CTNND2: variants seen among roughly 807,000 people sequenced by gnomAD.
CTNND2 encodes catenin delta 2, also known as catenin delta-2.
In CTNND2, 22 loss-of-function variants were observed where a neutral mutation model predicts 144.4. The ratio of observed to expected loss-of-function variants is 0.15; its 90% CI spans 0.11 to 0.22. The LOEUF is 0.22. CTNND2 is among the 10% of genes least tolerant of loss of function. The pLI, the probability that CTNND2 is intolerant of heterozygous loss-of-function variation, is 1.00. For synonymous variants in CTNND2, 751 were observed against 695.6 expected (o/e 1.08, Z -1.25); for missense variants, 1,353 against 1,618.8 (o/e 0.84, Z 2.82).
chr5:11,063,019 T>C (rs145096712), intron 16 of CTNND2, among the ~76,000 whole-genome samples: 22 of 152,214 alleles, frequency 1.4e-4, no homozygotes, highest in African/African-American at 4.1e-4. Context: ...TTCAACAAGA[T>C]TGAAGGAAGA....
intron 9 of CTNND2, among the ~76,000 whole-genome samples, chr5:11,335,571 C>T (rs183606270): frequency 2.6e-5 from 4 of 152,262 alleles, no homozygotes; most frequent in African/African-American, 4.8e-5. Flanking sequence ...AAATAAAACA[C>T]GTTTCCCATA....
At chr5:11,707,258 G>C (rs1785761730) in intron 2 of CTNND2, among the ~76,000 whole-genome samples, 1 of 152,140 alleles carries the variant, frequency 6.6e-6, no homozygotes, top group Admixed American at 6.5e-5. Context: ...AAATAAGAAA[G>C]TGAGAACTAG....
At chr5:11,363,554 C>G (rs1756668481) in intron 8 of CTNND2, among the ~76,000 whole-genome samples, 1 of 152,130 alleles carries the variant, frequency 6.6e-6, no homozygotes, top group Non-Finnish European at 1.5e-5. Flanking sequence ...TCTTTATCAT[C>G]AAAACCAAGA....
chr5:11,563,620 T>C (rs760233529), intron 3 of CTNND2, among the ~76,000 whole-genome samples: 8 of 152,182 alleles, frequency 5.3e-5, no homozygotes, highest in Non-Finnish European at 1.0e-4. Context: ...CAGCAACATA[T>C]ACATTTGGAT....
intron 9 of CTNND2, among the ~76,000 whole-genome samples, chr5:11,312,015 C>T (rs552851241): frequency 3.3e-5 from 5 of 149,644 alleles, no homozygotes; most frequent in Non-Finnish European, 7.4e-5. Context: ...ACACACTCAC[C>T]ATACACCTTC....
intron 16 of CTNND2, among the ~76,000 whole-genome samples, chr5:11,036,240 T>A (rs746016602): frequency 6.6e-6 from 1 of 152,176 alleles, no homozygotes; most frequent in Non-Finnish European, 1.5e-5. Flanking sequence ...GATCCTTGCT[T>A]ATGAAAATGC....
intron 18 of CTNND2, among the ~76,000 whole-genome samples, chr5:11,005,443 G>A (rs1039148716): frequency 2.0e-5 from 3 of 152,136 alleles, no homozygotes; most frequent in Non-Finnish European, 4.4e-5. Flanking sequence ...AGATGGTAAC[G>A]TTGATTCCAG....
chr5:11,490,920 T>C (rs371745809), intron 3 of CTNND2, among the ~76,000 whole-genome samples: 4 of 152,238 alleles, frequency 2.6e-5, no homozygotes, highest in African/African-American at 9.6e-5. Context: ...CTCAGGAGGT[T>C]GAGGCTACAG....
intron 9 of CTNND2, among the ~76,000 whole-genome samples, chr5:11,343,187 A>G (rs1054979308): frequency 2.6e-5 from 4 of 152,176 alleles, no homozygotes; most frequent in South Asian, 2.1e-4. Flanking sequence ...CTCAGAACCA[A>G]TCCTTTTGTA....
intron 2 of CTNND2, among the ~76,000 whole-genome samples, chr5:11,586,664 T>C (rs1778884465): frequency 6.6e-6 from 1 of 152,216 alleles, no homozygotes; most frequent in South Asian, 2.1e-4. Context: ...AATACATATA[T>C]ATTTAACAAT....
chr5:11,861,323 A>C (rs976641814), intron 1 of CTNND2, among the ~76,000 whole-genome samples: 2 of 152,150 alleles, frequency 1.3e-5, no homozygotes, highest in African/African-American at 2.4e-5. Flanking sequence ...AGAACCGCAA[A>C]ATAAAAACAT....
At chr5:11,264,404 C>A (rs1335884346) in intron 9 of CTNND2, among the ~76,000 whole-genome samples, 1 of 152,112 alleles carries the variant, frequency 6.6e-6, no homozygotes, top group Non-Finnish European at 1.5e-5. Context: ...AAATTTGGCC[C>A]ATGGGATACA....
intron 11 of CTNND2, among the ~76,000 whole-genome samples, chr5:11,193,258 A>G (rs904177902): frequency 6.6e-6 from 1 of 152,148 alleles, no homozygotes; most frequent in Non-Finnish European, 1.5e-5. Flanking sequence ...AGAGGTATTG[A>G]TTCTTTGACT....
intron 17 of CTNND2, among the ~76,000 whole-genome samples, chr5:11,018,986 C>T (rs575290168): frequency 1.6e-4 from 25 of 152,210 alleles, no homozygotes; most frequent in African/African-American, 4.1e-4. Context: ...GGATTACAGA[C>T]GTGATCCACC....
chr5:11,473,112 T>C (rs1460343735), intron 3 of CTNND2, among the ~76,000 whole-genome samples: 2 of 152,122 alleles, frequency 1.3e-5, no homozygotes, highest in African/African-American at 4.8e-5. Context: ...CAGGTCCAAA[T>C]ATTCTGTAGA....
intron 6 of CTNND2, among the ~76,000 whole-genome samples, chr5:11,388,778 G>A (rs1040592672): frequency 5.3e-5 from 8 of 152,146 alleles, no homozygotes; most frequent in South Asian, 2.1e-4. Flanking sequence ...ACTACCCATC[G>A]TTGCATTAGA....
intron 3 of CTNND2, among the ~76,000 whole-genome samples, chr5:11,457,139 C>A (rs773124786): frequency 6.6e-6 from 1 of 152,114 alleles, no homozygotes; most frequent in Non-Finnish European, 1.5e-5. Context: ...AGGTGGCTCA[C>A]GTCTGTAATC....
chr5:11,571,263 G>A (rs1432055469), intron 2 of CTNND2, among the ~76,000 whole-genome samples: 1 of 152,112 alleles, frequency 6.6e-6, no homozygotes, highest in Admixed American at 6.5e-5. Flanking sequence ...GTGACTGTTG[G>A]GGTGAAAGAG....
Position 11,891,807 on chromosome 5 carries a change from A to G in CTNND2, c.37+12010T>C, listed in dbSNP as rs148570488. On this transcript the variant is annotated intron_variant, in intron 1 of 21. Coordinates refer to ENST00000304623, the MANE Select transcript of CTNND2 (RefSeq NM_001332.4). Reference sequence around the variant, plus strand: ...TGAGCCAACTATGACAGTCTTGGAAAAAATTTGGTGGAATCCTTCCAAAGC... The same window carrying G: ...TGAGCCAACTATGACAGTCTTGGAAGAAATTTGGTGGAATCCTTCCAAAGC... Among the ~76,000 whole-genome samples, 671 of 152,364 alleles carry G rather than the reference A, an allele frequency of 4.4e-3. 5 individuals are homozygous for G. Among genetic ancestry groups the G allele is most frequent in the African/African-American group, 0.015 (637 of 41,582 alleles).
Sources: allele counts gnomAD v4.1 joint callset (sites outside exome capture counted in the v4.1 genomes callset), GRCh38; gene constraint gnomAD v4.1.1; transcripts MANE v1.5; gene names NCBI Gene and HGNC (gene_info 2026-07-23, HGNC 2026-07-21).